The following OR51B5 variants were observed in gnomAD, a reference collection of about 807,000 sequenced individuals.
OR51B5 encodes the protein olfactory receptor 51B5.
For synonymous variants in OR51B5, 186 were observed against 144.8 expected, an observed-to-expected ratio of 1.28 and a Z score of -2.04; for missense variants, 456 against 374.6, an observed-to-expected ratio of 1.22 and a Z score of -1.79.
intron 1 of OR51B5, among the ~76,000 whole-genome samples, chr11:5,387,619 C>T (rs930713774): frequency 2.0e-5 from 3 of 152,158 alleles, no homozygotes; most frequent in African/African-American, 4.8e-5. Flanking sequence ...GATTTGCCAC[C>T]ATTCCCCACC....
At chr11:5,476,397 T>C (rs1851306110) in intron 1 of OR51B5, among the ~76,000 whole-genome samples, 1 of 152,226 alleles carries the variant, frequency 6.6e-6, no homozygotes, top group Non-Finnish European at 1.5e-5. Flanking sequence ...GCTGTTATGC[T>C]GTATGGCCAC....
At chr11:5,430,880 T>G (rs537868390) in intron 1 of OR51B5, 5 of 457,178 alleles carry the variant, frequency 1.1e-5, no homozygotes, top group Non-Finnish European at 2.2e-5. Flanking sequence ...GACACACATG[T>G]GTTGAGAGCC....
chr11:5,374,424 C>A (rs573470492), intron 1 of OR51B5, among the ~76,000 whole-genome samples: 1 of 152,280 alleles, frequency 6.6e-6, no homozygotes, highest in African/African-American at 2.4e-5. Context: ...AAGCAGAGCA[C>A]CTTTCCTCCT....
chr11:5,494,789 C>T (rs976894732), intron 1 of OR51B5, among the ~76,000 whole-genome samples: 7 of 152,064 alleles, frequency 4.6e-5, no homozygotes, highest in Non-Finnish European at 5.9e-5. Context: ...ATGCTTGGCA[C>T]AGAGCAGATG....
chr11:5,501,281 G>A (rs763350863), intron 1 of OR51B5, among the ~76,000 whole-genome samples: 3 of 147,922 alleles, frequency 2.0e-5, no homozygotes, highest in Non-Finnish European at 4.5e-5. Flanking sequence ...CCCACCAAAA[G>A]AGGAATGCCT....
intron 1 of OR51B5, among the ~76,000 whole-genome samples, chr11:5,379,466 TAATAAATAA>T (rs1421718622): frequency 1.5e-5 from 2 of 134,156 alleles, no homozygotes; most frequent in Non-Finnish European, 3.4e-5. Context: ...ATAATAATAA[TAATAAATAA>T]AATAAATAAA....
intron 1 of OR51B5, among the ~76,000 whole-genome samples, chr11:5,410,741 T>A (rs1259222974): frequency 6.6e-6 from 1 of 152,198 alleles, no homozygotes; most frequent in African/African-American, 2.4e-5. Context: ...AGTGGAACAA[T>A]GTGTGGAAGT....
intron 1 of OR51B5, among the ~76,000 whole-genome samples, chr11:5,398,148 A>T (rs966160140): frequency 2.0e-4 from 31 of 152,128 alleles, no homozygotes; most frequent in Admixed American, 7.2e-4. Context: ...ACATGTATAC[A>T]TATGTAACTA....
intron 1 of OR51B5, chr11:5,431,093 A>C: frequency 2.3e-6 from 1 of 433,612 alleles, no homozygotes; most frequent in Non-Finnish European, 4.7e-6. Flanking sequence ...TTAGTGTGGC[A>C]ATAGGGCAGT....
At chr11:5,483,508 T>TTAAAAA (rs1554896860) in intron 1 of OR51B5, among the ~76,000 whole-genome samples, 2 of 96,674 alleles carry the variant, frequency 2.1e-5, no homozygotes, top group Admixed American at 2.0e-4. Context: ...AAAGTATAAT[T>TTAAAAA]AAAAAAAAAA....
At chr11:5,354,105 A>T (rs1849148442) in intron 1 of OR51B5, among the ~76,000 whole-genome samples, 2 of 152,230 alleles carry the variant, frequency 1.3e-5, no homozygotes, top group Non-Finnish European at 2.9e-5. Context: ...TTTTTCATTA[A>T]AATGAATAAA....
At chr11:5,451,804 T>C (rs1850855051) in intron 1 of OR51B5, among the ~76,000 whole-genome samples, 1 of 152,198 alleles carries the variant, frequency 6.6e-6, no homozygotes, top group Admixed American at 6.5e-5. Flanking sequence ...TATGTAATTC[T>C]GGGGTCCTTC....
rs117503420 is a variant in OR51B5 at position 5,492,684 on chromosome 11, G to A, written n.84+12885C>T. 4.8e-4 allele frequency among the ~76,000 whole-genome samples: 73 copies of A among 152,200 alleles called. 2 individuals carry two copies. The East Asian group carries it at 0.013, about 27-fold the overall frequency. The stretch of plus-strand genomic sequence containing the variant: ...GTTCCTACATCTTTGTTAATCAGGC[G>A]GGAGTACAGTGGCACAATCTCGACT... On this transcript the variant is annotated intron_variant and non_coding_transcript_variant, in intron 1 of 4. Transcript: ENST00000415970.
rs745937344 is a variant in OR51B5 at position 5,488,736 on chromosome 11, T to G, written n.84+16833A>C. On this transcript the variant is annotated intron_variant and non_coding_transcript_variant, in intron 1 of 4. Coordinates refer to the OR51B5 transcript ENST00000415970. ...CAGATTCCAACCTCAGTGATAACCA[T>G]CTTCCAGACACCTTCTTCTTAACAG... 3 of 1,613,660 alleles carry G rather than the reference T, an allele frequency of 1.9e-6. No individual in the cohort carries two copies. In the African/African-American group the frequency reaches 4.0e-5, roughly 22 times the overall value.
chr11:5,389,758 C>G (rs1480179897), intron 1 of OR51B5: 5 of 1,613,834 alleles, frequency 3.1e-6, no homozygotes, highest in African/African-American at 2.7e-5. Context: ...ACTCTTTTTC[C>G]TTCATGGAGT....
intron 1 of OR51B5, among the ~76,000 whole-genome samples, chr11:5,478,729 G>C (rs1039635154): frequency 2.6e-5 from 4 of 151,638 alleles, no homozygotes; most frequent in Admixed American, 6.6e-5. Context: ...AGCCTCAGGA[G>C]CCGATGCGAT....
chr11:5,374,897 G>A (rs1055628467), intron 1 of OR51B5, among the ~76,000 whole-genome samples: 10 of 151,948 alleles, frequency 6.6e-5, no homozygotes, highest in African/African-American at 1.9e-4. Flanking sequence ...GAACCAAGTT[G>A]GAAAACACTC....
intron 1 of OR51B5, among the ~76,000 whole-genome samples, chr11:5,460,851 C>G (rs1051341853): frequency 5.3e-5 from 8 of 152,192 alleles, no homozygotes; most frequent in Admixed American, 4.6e-4. Flanking sequence ...GGCCAAGGTT[C>G]AGCTCAGCAC....
chr11:5,437,689 T>C (rs1305196591), intron 1 of OR51B5, among the ~76,000 whole-genome samples: 1 of 152,216 alleles, frequency 6.6e-6, no homozygotes, highest in Non-Finnish European at 1.5e-5. Context: ...AAGGAAGTCA[T>C]AGGTTTGTTT....
Sources: gnomAD v4.1 joint callset for allele counts (sites outside exome capture counted in the v4.1 genomes callset) on GRCh38, gnomAD v4.1.1 for gene constraint, MANE v1.5 for transcripts, NCBI Gene and HGNC (gene_info 2026-07-23, HGNC 2026-07-21) for gene names.